Variants in FYB1 observed in about 807,000 individuals in gnomAD.
FYB1 encodes FYN binding protein 1, also known as FYN-binding protein 1.
In FYB1, 41 loss-of-function variants were observed where a neutral mutation model predicts 94.1. The ratio of observed to expected loss-of-function variants is 0.44; its 90% CI spans 0.34 to 0.57. The LOEUF (loss-of-function observed/expected upper bound fraction) is 0.57. Ranked by LOEUF, FYB1 falls within the 20% of genes least tolerant of loss-of-function variation. FYB1 has a pLI of 0.02. For missense variants in FYB1, 1,050 were observed against 976.8 expected (o/e 1.07, Z -1.00); for synonymous variants, 367 against 353.2 (o/e 1.04, Z -0.44).
intron 2 of FYB1, among the ~76,000 whole-genome samples, chr5:39,180,447 C>T (rs1410985205): frequency 1.3e-5 from 2 of 152,154 alleles, no homozygotes; most frequent in Non-Finnish European, 2.9e-5. Context: ...TTTGTAACAG[C>T]ATATGTGATG....
intron 2 of FYB1, among the ~76,000 whole-genome samples, chr5:39,190,183 T>C (rs544794970): frequency 6.6e-6 from 1 of 152,218 alleles, no homozygotes; most frequent in African/African-American, 2.4e-5. Flanking sequence ...TCTCTTCAAA[T>C]GGATTGCTCC....
chr5:39,256,750 G>A (rs1462326164), intron 1 of FYB1, among the ~76,000 whole-genome samples: 1 of 152,090 alleles, frequency 6.6e-6, no homozygotes, highest in Admixed American at 6.6e-5. Context: ...ATTGTGTTGG[G>A]TGGCTATGTT....
At chr5:39,188,538 C>A (rs1404518013) in intron 2 of FYB1, among the ~76,000 whole-genome samples, 2 of 115,466 alleles carry the variant, frequency 1.7e-5, no homozygotes, top group Admixed American at 1.1e-4. Flanking sequence ...TCAACTACAG[C>A]ACTTTTTTTT....
chr5:39,109,139 G>T (rs934410568), intron 17 of FYB1, among the ~76,000 whole-genome samples: 1 of 152,054 alleles, frequency 6.6e-6, no homozygotes, highest in African/African-American at 2.4e-5. Flanking sequence ...TACAATCTCT[G>T]TGCTTTATCA....
In FYB1 at chr5:39,124,144, A is replaced by T. The variant is rs1740397273; in HGVS notation, c.2071+109T>A. On this transcript the variant is annotated intron_variant, in intron 13 of 18. Transcript: ENST00000512982. Reference sequence around the variant, plus strand: ...TTACTTGCTCAAGGCTACACAATTTATTATTTTCAGAGTCAAGACTTTAAT... The same window carrying T: ...TTACTTGCTCAAGGCTACACAATTTTTTATTTTCAGAGTCAAGACTTTAAT... 6.6e-6 allele frequency: 5 copies of T among 755,044 alleles called. No homozygotes were observed. In the Admixed American group the frequency reaches 1.9e-4, roughly 28 times the overall value. The allele number at this position is 755,044 out of a possible 1,614,324, so 46.8% of individuals were successfully genotyped here.
chr5:39,244,582 G>T (rs1438751796), intron 1 of FYB1, among the ~76,000 whole-genome samples: 1 of 149,674 alleles, frequency 6.7e-6, no homozygotes, highest in African/African-American at 2.6e-5. Flanking sequence ...GCTCATCGGG[G>T]ATATTGGTCT....
chr5:39,257,567 T>C (rs1157345565), intron 1 of FYB1, among the ~76,000 whole-genome samples: 1 of 152,116 alleles, frequency 6.6e-6, no homozygotes, highest in Non-Finnish European at 1.5e-5. Flanking sequence ...TAGTGACTTA[T>C]CGCTTTTTAC....
intron 2 of FYB1, among the ~76,000 whole-genome samples, chr5:39,172,818 A>G (rs1405656805): frequency 6.6e-6 from 1 of 152,192 alleles, no homozygotes; most frequent in East Asian, 1.9e-4. Context: ...CATGGTGTAT[A>G]TATACCATAT....
At chr5:39,248,434 T>C (rs1218686209) in intron 1 of FYB1, among the ~76,000 whole-genome samples, 1 of 152,128 alleles carries the variant, frequency 6.6e-6, no homozygotes, top group African/African-American at 2.4e-5. Context: ...AAAGTGACAC[T>C]TAGGCTGGGC....
At chr5:39,167,995 CAAA>C (rs1223346980) in intron 2 of FYB1, among the ~76,000 whole-genome samples, 1 of 152,144 alleles carries the variant, frequency 6.6e-6, no homozygotes, top group Non-Finnish European at 1.5e-5. Flanking sequence ...CACAAACTCA[CAAA>C]AGACACTTTA....
chr5:39,240,875 G>A (rs1431157047), intron 1 of FYB1, among the ~76,000 whole-genome samples: 1 of 152,174 alleles, frequency 6.6e-6, no homozygotes, highest in Non-Finnish European at 1.5e-5. Context: ...GCATGTGTAT[G>A]TTTATCACAG....
rs969905427 is a variant in FYB1, at chr5:39,122,490, G to T, written c.2072-88C>A. On this transcript the variant is annotated intron_variant, in intron 13 of 18. Transcript: ENST00000512982. ...CAATGATGTTTTTAATATAAAGATT[G>T]CTTCAAGGACAATAAAATAAGTTGT... is the stretch of plus-strand genomic sequence containing the variant. 18 of 786,886 alleles carry T rather than the reference G, an allele frequency of 2.3e-5. No individual in the cohort carries two copies. In the Admixed American group the frequency reaches 3.0e-4, roughly 13 times the overall value. 48.7% of individuals were successfully genotyped at this position (786,886 alleles called of 1,614,324 possible).
rs60165889 is a variant in FYB1, at chr5:39,145,900, C to CT, written c.1293-4760dup. The stretch of plus-strand genomic sequence containing the variant: ...ATCCCCTGCTTGTGGTCCTCCCATT[C>CT]TTTTTTTTTTTCTTTTTTTTTCTTT... On this transcript the variant is annotated intron_variant, in intron 3 of 18. Coordinates refer to ENST00000512982, the MANE Select transcript of FYB1 (RefSeq NM_001465.6). Among the ~76,000 whole-genome samples the CT allele has an allele frequency of 0.012, 1,698 of 144,888 alleles. 69 individuals carry two copies. The East Asian group carries it at 0.14, about 12-fold the overall frequency.
At chr5:39,235,179 T>C (rs979775679) in intron 1 of FYB1, among the ~76,000 whole-genome samples, 1 of 151,880 alleles carries the variant, frequency 6.6e-6, no homozygotes, top group Non-Finnish European at 1.5e-5. Context: ...AGTGGAATTG[T>C]TTCCTGTTCA....
intron 1 of FYB1, among the ~76,000 whole-genome samples, chr5:39,256,113 A>G (rs1195713888): frequency 6.6e-6 from 1 of 152,220 alleles, no homozygotes; most frequent in Non-Finnish European, 1.5e-5. Flanking sequence ...TACAGATCTT[A>G]GCAATGGAAA....
At chr5:39,165,742 A>G (rs913483157) in intron 2 of FYB1, among the ~76,000 whole-genome samples, 2 of 152,212 alleles carry the variant, frequency 1.3e-5, no homozygotes, top group Non-Finnish European at 2.9e-5. Context: ...TATGCATCCA[A>G]CAAAGGACTC....
At chr5:39,142,134 G>A (rs1742246074) in intron 3 of FYB1, among the ~76,000 whole-genome samples, 1 of 152,094 alleles carries the variant, frequency 6.6e-6, no homozygotes, top group Non-Finnish European at 1.5e-5. Context: ...TACTGACTCT[G>A]GACATTACAA....
chr5:39,190,544 T>C (rs1411064353), intron 2 of FYB1, among the ~76,000 whole-genome samples: 1 of 152,022 alleles, frequency 6.6e-6, no homozygotes. Flanking sequence ...AACTAATTTC[T>C]CCCCATGAGG....
At chr5:39,256,613 C>T (rs746833365) in intron 1 of FYB1, among the ~76,000 whole-genome samples, 12 of 152,220 alleles carry the variant, frequency 7.9e-5, no homozygotes, top group East Asian at 7.7e-4. Flanking sequence ...TCGGAAGCTA[C>T]GACGATTTCA....
Sources: gnomAD v4.1 joint callset for allele counts (sites outside exome capture counted in the v4.1 genomes callset) on GRCh38, gnomAD v4.1.1 for gene constraint, MANE v1.5 for transcripts, NCBI Gene and HGNC (gene_info 2026-07-23, HGNC 2026-07-21) for gene names.